Variants in PSG11 observed in about 807,000 individuals in gnomAD.
PSG11 encodes pregnancy-specific beta-1-glycoprotein 11.
In PSG11, 42 loss-of-function variants were observed where a neutral mutation model predicts 36.0. The observed-to-expected ratio is 1.17, with a 90% CI of 0.91 to 1.51. The LOEUF is 1.51. Among genes scored for constraint, PSG11 ranks in the 40% most tolerant of loss-of-function variants. The pLI is 0.00. For missense variants in PSG11, 558 were observed against 403.5 expected (o/e 1.38, Z -3.28); for synonymous variants, 206 against 153.5 (o/e 1.34, Z -2.53).
intron 2 of PSG11, among the ~76,000 whole-genome samples, chr19:43,024,043 C>T (rs1343735507): frequency 6.6e-6 from 1 of 151,386 alleles, no homozygotes; most frequent in Non-Finnish European, 1.5e-5. Context: ...CCTAAGCCTC[C>T]TAAGGCAGTT....
intron 2 of PSG11, among the ~76,000 whole-genome samples, chr19:43,023,540 G>T (rs1438503104): frequency 6.6e-6 from 1 of 151,212 alleles, no homozygotes; most frequent in East Asian, 1.9e-4. Flanking sequence ...AGGTGATTTA[G>T]TTCTGGAGTA....
intron 4 of PSG11, chr19:43,014,467 G>T: frequency 1.0e-6 from 1 of 969,984 alleles, no homozygotes; most frequent in Non-Finnish European, 1.2e-6. Context: ...TCTGCCCTGA[G>T]GTTGCTTCTC....
intron 4 of PSG11, among the ~76,000 whole-genome samples, chr19:43,011,756 T>A (rs35114819): frequency 0.2 from 30,206 of 150,456 alleles, 3,971 homozygotes; most frequent in East Asian, 0.34. Flanking sequence ...CTGCGCATGG[T>A]GACATGCACC....
At chr19:43,013,906 G>A (rs1416072344) in intron 4 of PSG11, among the ~76,000 whole-genome samples, 1 of 151,384 alleles carries the variant, frequency 6.6e-6, no homozygotes, top group African/African-American at 2.4e-5. Context: ...GGCAAAGGAG[G>A]TGTATCTATA....
At chr19:43,025,914 T>TC (rs1433469427) in intron 1 of PSG11, among the ~76,000 whole-genome samples, 1 of 122,430 alleles carries the variant, frequency 8.2e-6, no homozygotes, top group East Asian at 3.2e-4. Flanking sequence ...GGGCCTTCTT[T>TC]CCTTTTTTTT....
rs1242141985 is a variant in PSG11 at position 43,016,324 on chromosome 19, G to A, written c.710-954C>T. Among the ~76,000 whole-genome samples the A allele has an allele frequency of 7.3e-5, 11 of 151,348 alleles. No individual in the cohort carries two copies. The East Asian group carries it at 1.9e-3, about 27-fold the overall frequency. ...TACGTCAGTGGGAGTCACAGCCCCTGGTACCCCTCCCAGTCCCTCCATAAT... is the reference window on the plus strand; with the variant it reads ...TACGTCAGTGGGAGTCACAGCCCCTAGTACCCCTCCCAGTCCCTCCATAAT... On this transcript the variant is annotated intron_variant, in intron 3 of 5. Transcript: ENST00000320078.
At chr19:43,013,568 C>T (rs1226859244) in intron 4 of PSG11, among the ~76,000 whole-genome samples, 2 of 151,266 alleles carry the variant, frequency 1.3e-5, no homozygotes, top group Non-Finnish European at 2.9e-5. Context: ...TACACCACCT[C>T]ACAAAATTTA....
rs190269821 is a variant in PSG11 at position 43,026,188 on chromosome 19, A to T, written c.64+121T>A. On this transcript the variant is annotated intron_variant, in intron 1 of 5. Coordinates refer to ENST00000320078, the MANE Select transcript of PSG11 (RefSeq NM_002785.3). ...GAACTCCTGATCTCGTGATCCACCC[A>T]CCTCAGCCTCCCTAAATGCTGGCTT... The T allele has an allele frequency of 1.7e-4, 247 of 1,451,976 alleles. 4 individuals carry two copies. The highest frequency in any genetic ancestry group is 1.2e-3 in the Admixed American group (69 of 55,304). 89.9% of individuals were successfully genotyped at this position (1,451,976 alleles called of 1,614,324 possible). A position where few individuals can be genotyped will look rare whatever the true frequency, so the allele number is the denominator to read the frequency against.
intron 3 of PSG11, chr19:43,015,889 G>T: frequency 6.2e-7 from 1 of 1,609,964 alleles, no homozygotes; most frequent in Non-Finnish European, 8.5e-7. Context: ...GTTTTCAATG[G>T]GTCGCTTTAC....
chr19:43,023,603 A>G (rs1164773298), intron 2 of PSG11, among the ~76,000 whole-genome samples: 1 of 151,196 alleles, frequency 6.6e-6, no homozygotes, highest in African/African-American at 2.4e-5. Flanking sequence ...TGGATGCCTA[A>G]GAAGAGAGGA....
intron 4 of PSG11, 73 bp from the exon 5 acceptor site, chr19:43,010,114 A>T: frequency 6.4e-7 from 1 of 1,551,354 alleles, no homozygotes; most frequent in Non-Finnish European, 8.8e-7. Flanking sequence ...AGGAACAAGC[A>T]TGTAACATGA....
intron 3 of PSG11, among the ~76,000 whole-genome samples, chr19:43,015,578 CA>C (rs1225214818): frequency 6.6e-6 from 1 of 151,384 alleles, no homozygotes; most frequent in African/African-American, 2.4e-5. Flanking sequence ...ATGACAAGAG[CA>C]TCCCCTCTCC....
chr19:43,012,071 A>C (rs1262526648), intron 4 of PSG11, among the ~76,000 whole-genome samples: 1 of 151,436 alleles, frequency 6.6e-6, no homozygotes, highest in Non-Finnish European at 1.5e-5. Flanking sequence ...ATCAGTAACA[A>C]GATTCAATCC....
intron 3 of PSG11, chr19:43,018,465 G>A (rs1228826172): frequency 1.0e-4 from 58 of 565,842 alleles, no homozygotes; most frequent in Admixed American, 3.2e-5. Flanking sequence ...GAGCCAAGTC[G>A]CAAGACTGAA....
chr19:43,011,973 C>A (rs1349337466), intron 4 of PSG11, among the ~76,000 whole-genome samples: 7 of 149,410 alleles, frequency 4.7e-5, no homozygotes, highest in Non-Finnish European at 8.9e-5. Context: ...TATGAAAGTA[C>A]TATAAATAAT....
At chr19:43,014,461 C>T (rs1409209341) in intron 4 of PSG11, 1 of 967,052 alleles carries the variant, frequency 1.0e-6, no homozygotes, top group Non-Finnish European at 1.2e-6. Context: ...CAGGAGTCTG[C>T]CCTGAGGTTG....
intron 3 of PSG11, chr19:43,017,254 T>C (rs1244077131): frequency 6.6e-6 from 1 of 151,694 alleles, no homozygotes; most frequent in East Asian, 1.9e-4. Context: ...TGACATTTTT[T>C]GATTCTGAAA....
In PSG11 at chr19:43,019,037, T is replaced by G; in HGVS notation, c.442A>C (p.Lys148Gln). Residue 148 changes from lysine (K) to glutamine (Q), a missense_variant, in exon 3 of 6, where the codon AAG becomes CAG. Lys to Gln is a moderately conservative substitution (Grantham distance 53). Transcript: ENST00000320078. Reference protein sequence around the residue: ...FTFTLYLETPKPSISSSNLNP... With the variant: ...FTFTLYLETPQPSISSSNLNP... ...AAGTTGCTGCTGGAGATGGAGGGCT[T>G]GGGAGTCTCCACTGTGCAGAAAACA... is the stretch of plus-strand genomic sequence containing the variant. 1 of 1,611,716 alleles carries G rather than the reference T, an allele frequency of 6.2e-7. No homozygotes were observed. Among genetic ancestry groups the G allele is most frequent in the Non-Finnish European group, 8.5e-7 (1 of 1,178,964 alleles).
chr19:43,014,362 T>C, intron 4 of PSG11: 1 of 929,370 alleles, frequency 1.1e-6, no homozygotes, highest in Non-Finnish European at 1.3e-6. Context: ...TTTCTCCAGC[T>C]CTGCATCAGT....
Sources: allele counts gnomAD v4.1 joint callset (sites outside exome capture counted in the v4.1 genomes callset), GRCh38; gene constraint gnomAD v4.1.1; transcripts MANE v1.5; gene names NCBI Gene and HGNC (gene_info 2026-07-23, HGNC 2026-07-21).